MAGI2: variants seen among roughly 807,000 people sequenced by gnomAD.
The protein encoded by MAGI2 is membrane associated guanylate kinase, WW and PDZ domain containing 2.
Under a neutral mutation model 133.3 loss-of-function variants are expected in MAGI2, and 35 were observed. The ratio of observed to expected loss-of-function variants is 0.26; its 90% CI spans 0.20 to 0.35. The LOEUF (loss-of-function observed/expected upper bound fraction) is 0.35. MAGI2 is among the 10% of genes least tolerant of loss of function. MAGI2 has a pLI of 1.00. For synonymous variants in MAGI2, 729 were observed against 710.6 expected, an observed-to-expected ratio of 1.03 and a Z score of -0.41; for missense variants, 1,636 against 1,863.4, an observed-to-expected ratio of 0.88 and a Z score of 2.25.
chr7:78,812,063 C>T (rs112174842), intron 2 of MAGI2, among the ~76,000 whole-genome samples: 2,570 of 152,036 alleles, frequency 0.017, 29 homozygotes, highest in Middle Eastern at 0.024. Context: ...ATAGTGGGGA[C>T]ACCATAAGCC....
intron 2 of MAGI2, among the ~76,000 whole-genome samples, chr7:78,831,625 CAATGT>C (rs1791159699): frequency 6.6e-6 from 1 of 152,128 alleles, no homozygotes; most frequent in Admixed American, 6.5e-5. Flanking sequence ...TTTTTCAGAA[CAATGT>C]AACAGTTACT....
At chr7:79,194,524 TATTA>T (rs1347430116) in intron 1 of MAGI2, among the ~76,000 whole-genome samples, 1 of 151,980 alleles carries the variant, frequency 6.6e-6, no homozygotes, top group African/African-American at 2.4e-5. Context: ...ATGTAGGTTG[TATTA>T]ATTAATTCTG....
At chr7:78,263,913 T>G (rs1440858146) in intron 9 of MAGI2, among the ~76,000 whole-genome samples, 1 of 152,132 alleles carries the variant, frequency 6.6e-6, no homozygotes, top group African/African-American at 2.4e-5. Flanking sequence ...CAACACTATA[T>G]TTTCTTTCCA....
intron 21 of MAGI2, among the ~76,000 whole-genome samples, chr7:78,053,160 T>C (rs1179139265): frequency 6.6e-6 from 1 of 152,200 alleles, no homozygotes; most frequent in Non-Finnish European, 1.5e-5. Flanking sequence ...ATCAGAAAAG[T>C]TACCTAAAAA....
intron 20 of MAGI2, among the ~76,000 whole-genome samples, chr7:78,123,147 A>T (rs1200872178): frequency 2.0e-5 from 3 of 152,004 alleles, no homozygotes; most frequent in Admixed American, 6.6e-5. Context: ...TATTCCCCTT[A>T]TTTTCTGCAT....
chr7:78,614,518 G>C (rs576036203), intron 3 of MAGI2: 1 of 151,940 alleles, frequency 6.6e-6, no homozygotes, highest in Non-Finnish European at 1.5e-5. Flanking sequence ...CATTATTGGG[G>C]CAAAAGAATA....
At chr7:78,533,956 C>G (rs937428671) in intron 3 of MAGI2, among the ~76,000 whole-genome samples, 10 of 152,188 alleles carry the variant, frequency 6.6e-5, no homozygotes, top group African/African-American at 2.2e-4. Flanking sequence ...CTGCTTATTG[C>G]CTGACCAAGC....
Position 78,167,901 on chromosome 7 carries a change from G to A in MAGI2, c.2596+15C>T. The A allele has an allele frequency of 6.2e-7, 1 of 1,604,054 alleles. No individual in the cohort carries two copies. Among genetic ancestry groups the A allele is most frequent in the Non-Finnish European group, 8.5e-7 (1 of 1,172,294 alleles). On this transcript the variant is annotated intron_variant, in intron 15 of 21. Coordinates refer to ENST00000354212, the MANE Select transcript of MAGI2 (RefSeq NM_012301.4). ...ACCTAACCCTCGATTCCTGCAGCAG[G>A]CTCCAGGTACATACCTCCACATAGC...
intron 6 of MAGI2, among the ~76,000 whole-genome samples, chr7:78,461,418 G>GCC (rs1790002863): frequency 6.7e-6 from 1 of 148,778 alleles, no homozygotes; most frequent in Non-Finnish European, 1.5e-5. Flanking sequence ...GTGTGTGTGT[G>GCC]TGTGTGTTGG....
chr7:78,748,926 C>T (rs765895235), intron 2 of MAGI2, among the ~76,000 whole-genome samples: 14 of 152,126 alleles, frequency 9.2e-5, no homozygotes, highest in Non-Finnish European at 2.1e-4. Context: ...CATATTCATG[C>T]TGCTATTATT....
intron 2 of MAGI2, among the ~76,000 whole-genome samples, chr7:78,650,330 G>T (rs975112434): frequency 6.6e-6 from 1 of 152,144 alleles, no homozygotes; most frequent in African/African-American, 2.4e-5. Context: ...TGAACTTCCA[G>T]TCCAGGGGAA....
At chr7:79,428,683 G>T (rs991548588) in intron 1 of MAGI2, among the ~76,000 whole-genome samples, 1 of 152,110 alleles carries the variant, frequency 6.6e-6, no homozygotes, top group Non-Finnish European at 1.5e-5. Context: ...ACAATCAGGA[G>T]AGTCTTCAGC....
intron 1 of MAGI2, among the ~76,000 whole-genome samples, chr7:79,047,737 T>C (rs1264302211): frequency 1.3e-5 from 2 of 152,122 alleles, no homozygotes; most frequent in African/African-American, 4.8e-5. Flanking sequence ...AGTATTATGA[T>C]TAATTATTCA....
intron 6 of MAGI2, among the ~76,000 whole-genome samples, chr7:78,384,447 TCTAC>T (rs1177988697): frequency 6.6e-6 from 1 of 152,190 alleles, no homozygotes; most frequent in African/African-American, 2.4e-5. Context: ...TATATTTTAC[TCTAC>T]CTAAACCCTC....
intron 2 of MAGI2, among the ~76,000 whole-genome samples, chr7:78,825,350 G>C (rs926184725): frequency 2.6e-5 from 4 of 152,116 alleles, no homozygotes; most frequent in African/African-American, 9.7e-5. Flanking sequence ...ATTACAAAAT[G>C]AACTACCAAA....
At chr7:79,371,499 G>T (rs977850004) in intron 1 of MAGI2, among the ~76,000 whole-genome samples, 1 of 151,944 alleles carries the variant, frequency 6.6e-6, no homozygotes, top group Non-Finnish European at 1.5e-5. Flanking sequence ...ACTTTTCTAT[G>T]TTTAGATATG....
intron 1 of MAGI2, among the ~76,000 whole-genome samples, chr7:79,121,515 T>C (rs1819896673): frequency 6.6e-6 from 1 of 152,126 alleles, no homozygotes; most frequent in Admixed American, 6.5e-5. Flanking sequence ...AATCTCCACA[T>C]TCAACTTTCT....
At chr7:78,643,384 A>C (rs1393410525) in intron 2 of MAGI2, among the ~76,000 whole-genome samples, 2 of 152,198 alleles carry the variant, frequency 1.3e-5, no homozygotes, top group Admixed American at 1.3e-4. Flanking sequence ...TTTTCTAAAA[A>C]TAGAGAAATG....
At chr7:78,707,997 T>C (rs1301263780) in intron 2 of MAGI2, among the ~76,000 whole-genome samples, 1 of 152,102 alleles carries the variant, frequency 6.6e-6, no homozygotes, top group Non-Finnish European at 1.5e-5. Flanking sequence ...TTAATCTATA[T>C]CCACCCATAT....
Sources: gnomAD v4.1 joint callset for allele counts (sites outside exome capture counted in the v4.1 genomes callset) on GRCh38, gnomAD v4.1.1 for gene constraint, MANE v1.5 for transcripts, NCBI Gene and HGNC (gene_info 2026-07-23, HGNC 2026-07-21) for gene names.